PPIP5K2: variants seen among roughly 807,000 people sequenced by gnomAD.
PPIP5K2 encodes the protein diphosphoinositol pentakisphosphate kinase 2.
PPIP5K2 carries 105 observed loss-of-function variants against 154.6 expected under a neutral mutation model. The ratio of observed to expected loss-of-function variants is 0.68; its 90% CI spans 0.58 to 0.80. PPIP5K2 has a LOEUF of 0.80. PPIP5K2 is among the 30% of genes least tolerant of loss of function. The pLI, the probability that PPIP5K2 is intolerant of heterozygous loss-of-function variation, is 0.00. For synonymous variants in PPIP5K2, 480 were observed against 490.3 expected (o/e 0.98, Z 0.28); for missense variants, 992 against 1,504.6 (o/e 0.66, Z 5.64).
intron 11 of PPIP5K2, among the ~76,000 whole-genome samples, 182 bp from the exon 12 acceptor site, chr5:103,154,488 C>G (rs1795096135): frequency 6.6e-6 from 1 of 151,934 alleles, no homozygotes; most frequent in Admixed American, 6.6e-5. Context: ...TAGGAAAGTA[C>G]TAAGTTTTAT....
chr5:103,137,630 A>C (rs940184162), intron 4 of PPIP5K2, among the ~76,000 whole-genome samples: 4 of 152,146 alleles, frequency 2.6e-5, no homozygotes, highest in Non-Finnish European at 5.9e-5. Flanking sequence ...AGCTATTCTC[A>C]TAATCTCACC....
At chr5:103,184,021 A>G (rs1326182369) in intron 25 of PPIP5K2, among the ~76,000 whole-genome samples, 1 of 152,198 alleles carries the variant, frequency 6.6e-6, no homozygotes, top group Admixed American at 6.5e-5. Flanking sequence ...GAACAATTGC[A>G]TATGTGCCCA....
Position 103,187,325 on chromosome 5 carries a change from G to A in PPIP5K2, c.3301G>A (p.Gly1101Ser). The A allele has an allele frequency of 5.2e-6, 8 of 1,534,804 alleles. No individual in the cohort carries two copies. The highest frequency in any genetic ancestry group is 3.6e-5 in the South Asian group (3 of 83,956). The change falls in exon 28 of 31, where the codon GGT becomes AGT. Residue 1101 changes from glycine (G) to serine (S), a missense_variant. Physicochemically the swap from Gly to Ser is moderately conservative, Grantham distance 56. Coordinates refer to ENST00000358359, the MANE Select transcript of PPIP5K2 (RefSeq NM_001276277.3). ...SSGCIDDATRGSAVKRFSISF... is the reference protein window; with the variant it reads ...SSGCIDDATRSSAVKRFSISF... ...TTTCTCTTTCTTAGACGCCACACGCGGTTCTGCTGTTAAAAGGTTTTCTAT... is the reference window on the plus strand; with the variant it reads ...TTTCTCTTTCTTAGACGCCACACGCAGTTCTGCTGTTAAAAGGTTTTCTAT...
chr5:103,201,672 AAT>A lies in PPIP5K2; in HGVS notation c.*40_*41del. 2 of 1,379,198 alleles carry A rather than the reference AAT, an allele frequency of 1.5e-6. No individual in the cohort carries two copies. Among genetic ancestry groups the A allele is most frequent in the Non-Finnish European group, 2.0e-6 (2 of 990,268 alleles). 85.4% of individuals were successfully genotyped at this position (1,379,198 alleles called of 1,614,324 possible). A position where few individuals can be genotyped will look rare whatever the true frequency, so the allele number is the denominator to read the frequency against. ...AGCTGGAACTTTTTATACTTATAAA[AAT>A]AGTATGTTCTTATGTTTCTCCTTAT... On this transcript the variant is annotated 3_prime_UTR_variant, in exon 31 of 31. Coordinates refer to ENST00000358359, the MANE Select transcript of PPIP5K2 (RefSeq NM_001276277.3).
Position 103,208,888 on chromosome 5 carries a change from A to G in PPIP5K2, c.*7254A>G, listed in dbSNP as rs2149890631. On this transcript the variant is annotated 3_prime_UTR_variant, in exon 31 of 31. Coordinates refer to ENST00000358359, the MANE Select transcript of PPIP5K2 (RefSeq NM_001276277.3). ...GAAGATAGTTTATGTTTCTCTTCAT[A>G]TTTGATGATAATTTTTTAAATTAAG... 6.6e-6 allele frequency: 1 copy of G among 152,250 alleles called. No homozygotes were observed. The highest frequency in any genetic ancestry group is 1.9e-4 in the East Asian group (1 of 5,180). 9.4% of individuals were successfully genotyped at this position (152,250 alleles called of 1,614,324 possible). A position where few individuals can be genotyped will look rare whatever the true frequency, so the allele number is the denominator to read the frequency against.
chr5:103,185,501 A>G (rs1800214668), intron 26 of PPIP5K2, among the ~76,000 whole-genome samples: 1 of 152,094 alleles, frequency 6.6e-6, no homozygotes, highest in Non-Finnish European at 1.5e-5. Flanking sequence ...ATAGCTTGTA[A>G]TGATAGTTTT....
At chr5:103,126,036 T>C (rs917400369) in intron 1 of PPIP5K2, among the ~76,000 whole-genome samples, 1 of 152,218 alleles carries the variant, frequency 6.6e-6, no homozygotes, top group Non-Finnish European at 1.5e-5. Flanking sequence ...TACTCTTTCA[T>C]GAACATGGGA....
At chr5:103,200,676 C>T (rs1802840312) in intron 30 of PPIP5K2, among the ~76,000 whole-genome samples, 2 of 151,164 alleles carry the variant, frequency 1.3e-5, no homozygotes, top group African/African-American at 4.9e-5. Context: ...TGTTCTGTTA[C>T]CCAAGCTGGA....
chr5:103,154,041 T>C, intron 11 of PPIP5K2, 107 bp downstream of exon 11: 2 of 743,686 alleles, frequency 2.7e-6, no homozygotes, highest in African/African-American at 1.8e-5. Flanking sequence ...TTTTATCTAC[T>C]GTCTCTTGGC....
At chr5:103,125,394 G>T (rs1789479722) in intron 1 of PPIP5K2, among the ~76,000 whole-genome samples, 2 of 151,532 alleles carry the variant, frequency 1.3e-5, no homozygotes, top group Non-Finnish European at 2.9e-5. Flanking sequence ...ATTGGAGTCA[G>T]TCAGGTTTTA....
chr5:103,181,655 C>T (rs1326694912), intron 24 of PPIP5K2, among the ~76,000 whole-genome samples: 1 of 151,810 alleles, frequency 6.6e-6, no homozygotes, highest in African/African-American at 2.4e-5. Context: ...TAAGATAGAA[C>T]CATCAACTTT....
At chr5:103,192,629 G>A (rs910867091) in intron 29 of PPIP5K2, among the ~76,000 whole-genome samples, 2 of 152,048 alleles carry the variant, frequency 1.3e-5, no homozygotes, top group Non-Finnish European at 2.9e-5. Flanking sequence ...AATTTTAGTA[G>A]AATATTTACA....
intron 30 of PPIP5K2, among the ~76,000 whole-genome samples, chr5:103,199,833 T>C (rs1281008280): frequency 1.3e-5 from 2 of 152,152 alleles, no homozygotes; most frequent in African/African-American, 4.8e-5. Context: ...ATTTTTCTCT[T>C]TTTATTCGTT....
chr5:103,155,406 C>CTTTTT lies in PPIP5K2; in HGVS notation c.1404-469_1404-465dup, dbSNP rs70990423. On this transcript the variant is annotated intron_variant, in intron 13 of 30. Coordinates refer to ENST00000358359, the MANE Select transcript of PPIP5K2 (RefSeq NM_001276277.3). The stretch of plus-strand genomic sequence containing the variant: ...CTGTACTTTATCTCTTCAGAGTTGT[C>CTTTTT]TTTTTTTTTTTTTTTTTTTTTTTTT... 1.5e-3 allele frequency among the ~76,000 whole-genome samples: 32 copies of CTTTTT among 21,090 alleles called. 13 individuals are homozygous for CTTTTT. The highest frequency in any genetic ancestry group is 2.4e-3 in the Non-Finnish European group (19 of 7,856). The allele number at this position is 21,090 out of a possible 152,430, so 13.8% of individuals were successfully genotyped here.
At chr5:103,121,214 G>C (rs182926008) in intron 1 of PPIP5K2, among the ~76,000 whole-genome samples, 114 of 152,260 alleles carry the variant, frequency 7.5e-4, no homozygotes, top group African/African-American at 2.6e-3. Flanking sequence ...ATTTTGTTTT[G>C]CTATTGAGAA....
rs1161330919 is a variant in PPIP5K2, at chr5:103,133,520, A to G, written c.182A>G (p.Lys61Arg). ...MAKKSKSKPM[K>R]EILERISLFK... is the part of the protein sequence containing the mutation. ...AAGAAATCCAAATCCAAACCAATGAAGGAAATTCTTGAACGGATCTCCTTA... is the reference window on the plus strand; with the variant it reads ...AAGAAATCCAAATCCAAACCAATGAGGGAAATTCTTGAACGGATCTCCTTA... Residue 61 changes from lysine (K) to arginine (R), a missense_variant, in exon 3 of 31, where the codon AAG (lysine) becomes AGG (arginine). Around this residue, in one of 9 missense-constraint regions of PPIP5K2, gnomAD observed 153 missense variants for 200.4 expected, o/e 0.76. Coordinates refer to ENST00000358359, the MANE Select transcript of PPIP5K2 (RefSeq NM_001276277.3). The G allele has an allele frequency of 1.2e-5, 19 of 1,612,406 alleles. No individual in the cohort carries two copies. The highest frequency in any genetic ancestry group is 1.7e-5 in the Admixed American group (1 of 59,838).
intron 9 of PPIP5K2, 51 bp from the exon 10 acceptor site, chr5:103,152,597 G>T (rs746532064): frequency 9.3e-6 from 11 of 1,183,862 alleles, no homozygotes; most frequent in Non-Finnish European, 1.1e-5. Context: ...TAAGTACCCA[G>T]TTTTGTCTTA....
At chr5:103,199,677 T>G (rs984335290) in intron 30 of PPIP5K2, among the ~76,000 whole-genome samples, 1 of 152,076 alleles carries the variant, frequency 6.6e-6, no homozygotes, top group Admixed American at 6.6e-5. Flanking sequence ...TTGATGTTGA[T>G]TTGGTTGATT....
chr5:103,157,015 A>G (rs1795516917), intron 14 of PPIP5K2, among the ~76,000 whole-genome samples: 2 of 152,176 alleles, frequency 1.3e-5, no homozygotes, highest in Non-Finnish European at 2.9e-5. Context: ...ATCATCAAAA[A>G]CATTCTATAA....
Sources: allele counts gnomAD v4.1 joint callset (sites outside exome capture counted in the v4.1 genomes callset), GRCh38; gene constraint gnomAD v4.1.1; regional missense constraint gnomAD v4.1.1; transcripts MANE v1.5; gene names NCBI Gene and HGNC (gene_info 2026-07-23, HGNC 2026-07-21).